CTNNA3: variants seen among roughly 807,000 people sequenced by gnomAD.
CTNNA3 encodes catenin alpha 3, also known as catenin alpha-3.
In CTNNA3, 76 loss-of-function variants were observed where a neutral mutation model predicts 95.7. The observed-to-expected ratio is 0.79, with a 90% CI of 0.66 to 0.96. The LOEUF is 0.96. CTNNA3 is among the 40% of genes least tolerant of loss of function. CTNNA3 has a pLI of 0.00. For missense variants in CTNNA3, 1,191 were observed against 1,089.8 expected, an observed-to-expected ratio of 1.09 and a Z score of -1.31; for synonymous variants, 431 against 374.4, an observed-to-expected ratio of 1.15 and a Z score of -1.74.
chr10:67,623,283 G>A (rs979660904), intron 2 of CTNNA3, among the ~76,000 whole-genome samples: 2 of 152,210 alleles, frequency 1.3e-5, no homozygotes, highest in African/African-American at 4.8e-5. Context: ...AGAAGCCAAA[G>A]GGGGCAGACA....
chr10:66,805,696 A>G (rs557912558), intron 7 of CTNNA3, among the ~76,000 whole-genome samples: 42 of 152,106 alleles, frequency 2.8e-4, no homozygotes, highest in Non-Finnish European at 5.7e-4. Context: ...TTAGATCCAG[A>G]TAACAGTCAG....
chr10:67,058,336 T>C (rs2133209469), intron 7 of CTNNA3, among the ~76,000 whole-genome samples: 1 of 152,314 alleles, frequency 6.6e-6, no homozygotes, highest in East Asian at 1.9e-4. Context: ...TCAGATAACA[T>C]ATTGTTTTAT....
intron 13 of CTNNA3, among the ~76,000 whole-genome samples, chr10:66,262,460 C>G (rs984364609): frequency 6.6e-6 from 1 of 151,834 alleles, no homozygotes; most frequent in South Asian, 2.1e-4. Context: ...GCTGTGTCAA[C>G]AGTAGTTGGT....
At chr10:67,658,872 C>G (rs1342481666) in intron 1 of CTNNA3, among the ~76,000 whole-genome samples, 1 of 152,132 alleles carries the variant, frequency 6.6e-6, no homozygotes, top group East Asian at 1.9e-4. Flanking sequence ...GTAATTCAAA[C>G]TTTATAAGCT....
chr10:66,217,794 G>A (rs2088650612), intron 13 of CTNNA3, among the ~76,000 whole-genome samples: 1 of 152,176 alleles, frequency 6.6e-6, no homozygotes, highest in Non-Finnish European at 1.5e-5. Flanking sequence ...TGGATAAACA[G>A]TATCCATGAT....
intron 10 of CTNNA3, among the ~76,000 whole-genome samples, chr10:66,609,606 T>A (rs1188465737): frequency 6.6e-6 from 1 of 151,716 alleles, no homozygotes; most frequent in Admixed American, 6.6e-5. Context: ...AAATAACAGA[T>A]GCTAGCAAGG....
intron 3 of CTNNA3, among the ~76,000 whole-genome samples, chr10:67,583,563 C>T (rs1589453679): frequency 1.3e-5 from 2 of 152,226 alleles, no homozygotes; most frequent in Non-Finnish European, 2.9e-5. Flanking sequence ...TGAGTAGTAT[C>T]TTTGTGGTGT....
chr10:65,991,482 T>C (rs1250701582), intron 15 of CTNNA3, among the ~76,000 whole-genome samples: 1 of 152,024 alleles, frequency 6.6e-6, no homozygotes, highest in Admixed American at 6.6e-5. Flanking sequence ...GGTTCTTGTT[T>C]GGTTAAAATT....
chr10:65,964,577 C>G (rs533779364), intron 17 of CTNNA3, among the ~76,000 whole-genome samples: 6 of 152,130 alleles, frequency 3.9e-5, no homozygotes, highest in Admixed American at 6.5e-5. Flanking sequence ...TAATTAACAC[C>G]AATATATTTT....
At chr10:67,542,873 GA>G (rs911226935) in intron 3 of CTNNA3, among the ~76,000 whole-genome samples, 4 of 151,662 alleles carry the variant, frequency 2.6e-5, no homozygotes, top group African/African-American at 9.7e-5. Flanking sequence ...TAATTAAATA[GA>G]AAAAAAGGTA....
intron 7 of CTNNA3, among the ~76,000 whole-genome samples, chr10:66,983,620 G>T (rs1325955310): frequency 2.0e-5 from 3 of 152,106 alleles, no homozygotes; most frequent in Admixed American, 2.0e-4. Flanking sequence ...AATTGATAAG[G>T]AGATTATTCT....
intron 5 of CTNNA3, among the ~76,000 whole-genome samples, chr10:67,233,854 G>T (rs181241990): frequency 6.6e-6 from 1 of 152,082 alleles, no homozygotes; most frequent in East Asian, 1.9e-4. Flanking sequence ...CACAGAAATA[G>T]AAACTACCAT....
At chr10:66,848,496 G>A (rs1843361583) in intron 7 of CTNNA3, among the ~76,000 whole-genome samples, 1 of 152,128 alleles carries the variant, frequency 6.6e-6, no homozygotes, top group African/African-American at 2.4e-5. Flanking sequence ...CTAATTTAAA[G>A]TCCACTTTGC....
chr10:67,043,625 AT>A (rs917537687), intron 7 of CTNNA3, among the ~76,000 whole-genome samples: 50 of 151,732 alleles, frequency 3.3e-4, no homozygotes, highest in Middle Eastern at 3.4e-3. Flanking sequence ...ATTAACAATG[AT>A]TTTTTTTTAA....
chr10:66,927,563 A>T lies in CTNNA3; in HGVS notation c.1048-152039T>A. 6.2e-7 allele frequency: 1 copy of T among 1,614,134 alleles called. No homozygotes were observed. The highest frequency in any genetic ancestry group is 8.5e-7 in the Non-Finnish European group (1 of 1,180,026). On this transcript the variant is annotated intron_variant, in intron 7 of 17. Coordinates refer to ENST00000433211, the MANE Select transcript of CTNNA3 (RefSeq NM_013266.4). This position sits in a 1 kb window ranked among gnomAD's most constrained non-coding sequence, Gnocchi z 4.7. ...AAAGAACTTCACCTGGAGCACAATC[A>T]ATTTTCCAAGCTCAACCTGGCCCTT...
chr10:66,456,701 A>AAAC lies in CTNNA3; in HGVS notation c.1531+63913_1531+63915dup, dbSNP rs1295626896. On this transcript the variant is annotated intron_variant, in intron 11 of 17. Transcript: ENST00000433211. ...AAAAAACAAACAAAAAACACAAACA[A>AAAC]AACAACAACAACAACAACCTGACCT... Among the ~76,000 whole-genome samples the AAAC allele has an allele frequency of 7.2e-5, 11 of 151,856 alleles. No homozygotes were observed. In the East Asian group the frequency reaches 1.9e-3, roughly 27 times the overall value.
At chr10:66,917,444 T>C (rs1589422011) in intron 7 of CTNNA3, among the ~76,000 whole-genome samples, 1 of 152,170 alleles carries the variant, frequency 6.6e-6, no homozygotes, top group Non-Finnish European at 1.5e-5. Context: ...TTTAGAGTAA[T>C]ATAAGGACCC....
intron 2 of CTNNA3, among the ~76,000 whole-genome samples, chr10:67,615,819 C>T (rs1009612884): frequency 6.6e-6 from 1 of 151,988 alleles, no homozygotes; most frequent in Non-Finnish European, 1.5e-5. Flanking sequence ...CCTGTCACCA[C>T]GCCCAGCTAA....
intron 10 of CTNNA3, among the ~76,000 whole-genome samples, chr10:66,537,846 G>T (rs1841713892): frequency 6.6e-6 from 1 of 151,526 alleles, no homozygotes; most frequent in Admixed American, 6.6e-5. Context: ...AGCAAAAATG[G>T]GTTAATATTC....
Sources: allele counts gnomAD v4.1 joint callset (sites outside exome capture counted in the v4.1 genomes callset), GRCh38; gene constraint gnomAD v4.1.1; non-coding constraint Gnocchi (gnomAD v3.1); transcripts MANE v1.5; gene names NCBI Gene and HGNC (gene_info 2026-07-23, HGNC 2026-07-21).